Variants in CNBD1 observed in about 807,000 individuals in gnomAD.
CNBD1 encodes the protein cyclic nucleotide-binding domain-containing protein 1.
In CNBD1, 71 loss-of-function variants were observed where a neutral mutation model predicts 54.4. The observed-to-expected ratio is 1.30, with a 90% confidence interval of 1.08 to 1.59. The LOEUF (loss-of-function observed/expected upper bound fraction) is 1.59, where lower values mean the gene tolerates loss of function less well. CNBD1 is among the 40% of genes most tolerant of loss of function. The pLI is 0.00. For synonymous variants in CNBD1, 182 were observed against 170.7 expected (o/e 1.07, Z -0.51); for missense variants, 659 against 518.0 (o/e 1.27, Z -2.64).
At chr8:87,423,297 A>T (rs1297475154) in intron 2 of CNBD1, among the ~76,000 whole-genome samples, 9 of 148,970 alleles carry the variant, frequency 6.0e-5, no homozygotes, top group African/African-American at 2.0e-4. Flanking sequence ...CCCTGGCCAG[A>T]ACTTCCAACA....
chr8:87,174,006 T>C (rs1475933938), intron 4 of CNBD1, among the ~76,000 whole-genome samples: 1 of 152,034 alleles, frequency 6.6e-6, no homozygotes, highest in Non-Finnish European at 1.5e-5. Flanking sequence ...GTCACCAGGC[T>C]GGAGTGCAGT....
At chr8:86,953,269 T>A (rs1312123046) in intron 4 of CNBD1, among the ~76,000 whole-genome samples, 1 of 152,196 alleles carries the variant, frequency 6.6e-6, no homozygotes, top group African/African-American at 2.4e-5. Flanking sequence ...TAGGAAAAAC[T>A]TAATCATATG....
At chr8:86,872,923 G>T (rs372788777) in intron 1 of CNBD1, among the ~76,000 whole-genome samples, 2 of 152,056 alleles carry the variant, frequency 1.3e-5, no homozygotes, top group Non-Finnish European at 2.9e-5. Context: ...GTAGAGTGAT[G>T]TAATCTCATT....
At chr8:87,259,015 C>A (rs745565022) in intron 6 of CNBD1, among the ~76,000 whole-genome samples, 1 of 152,292 alleles carries the variant, frequency 6.6e-6, no homozygotes, top group South Asian at 2.1e-4. Flanking sequence ...TTCTAATAAT[C>A]TCTTACCAAA....
chr8:87,204,013 C>T (rs1193842699), intron 4 of CNBD1, among the ~76,000 whole-genome samples: 1 of 152,124 alleles, frequency 6.6e-6, no homozygotes, highest in Non-Finnish European at 1.5e-5. Flanking sequence ...ACACCTGGCT[C>T]CACTACCTGG....
chr8:87,177,729 TATGAG>T (rs763267972), intron 4 of CNBD1, among the ~76,000 whole-genome samples: 133 of 152,264 alleles, frequency 8.7e-4, no homozygotes, highest in Middle Eastern at 6.8e-3. Context: ...AACTAGTACT[TATGAG>T]ATAGATGCAA....
At chr8:87,187,199 CATATCT>C (rs1171329473) in intron 4 of CNBD1, among the ~76,000 whole-genome samples, 5 of 123,038 alleles carry the variant, frequency 4.1e-5, no homozygotes, top group Non-Finnish European at 5.9e-5. Flanking sequence ...TATATCTGCA[CATATCT>C]ATCTATATGC....
intron 6 of CNBD1, among the ~76,000 whole-genome samples, chr8:87,257,031 C>T (rs1808037945): frequency 6.6e-6 from 1 of 152,002 alleles, no homozygotes; most frequent in Non-Finnish European, 1.5e-5. Context: ...AACATCAACA[C>T]TCTTGCATGG....
At chr8:86,999,381 C>T (rs73689986) in intron 4 of CNBD1, among the ~76,000 whole-genome samples, 1 of 152,238 alleles carries the variant, frequency 6.6e-6, no homozygotes, top group African/African-American at 2.4e-5. Flanking sequence ...CTACTGGGAA[C>T]CTCCATGCAC....
At chr8:87,138,118 A>C (rs1038719678) in intron 4 of CNBD1, among the ~76,000 whole-genome samples, 1 of 152,190 alleles carries the variant, frequency 6.6e-6, no homozygotes, top group African/African-American at 2.4e-5. Flanking sequence ...GGAAAGGCAC[A>C]AAAGTCCTGT....
intron 4 of CNBD1, among the ~76,000 whole-genome samples, chr8:86,941,846 C>T (rs1168573929): frequency 6.6e-6 from 1 of 152,186 alleles, no homozygotes; most frequent in Non-Finnish European, 1.5e-5. Context: ...TTTCCAAACA[C>T]CCAGGACAAT....
chr8:87,032,637 T>C (rs1809819702), intron 4 of CNBD1, among the ~76,000 whole-genome samples: 1 of 152,152 alleles, frequency 6.6e-6, no homozygotes, highest in Non-Finnish European at 1.5e-5. Context: ...ACTCTGTAAC[T>C]TCACAGAAAT....
chr8:87,288,127 C>G (rs10095881), intron 8 of CNBD1, among the ~76,000 whole-genome samples: 100,826 of 151,796 alleles, frequency 0.66, 33,929 homozygotes, highest in Middle Eastern at 0.72. Flanking sequence ...ACCTCCAGGT[C>G]CCAGTGATTC....
chr8:87,353,174 A>C (rs1810342334), intron 9 of CNBD1, among the ~76,000 whole-genome samples: 1 of 152,178 alleles, frequency 6.6e-6, no homozygotes, highest in African/African-American at 2.4e-5. Flanking sequence ...AAAGACAGGG[A>C]ATAATCCCTC....
At chr8:87,372,669 A>T (rs1248489989) in intron 10 of CNBD1, among the ~76,000 whole-genome samples, 2 of 151,896 alleles carry the variant, frequency 1.3e-5, no homozygotes, top group Non-Finnish European at 2.9e-5. Flanking sequence ...TCCACAAATA[A>T]GTGGCCTCTT....
At chr8:87,025,700 C>T (rs756667171) in intron 4 of CNBD1, among the ~76,000 whole-genome samples, 2 of 152,164 alleles carry the variant, frequency 1.3e-5, no homozygotes, top group African/African-American at 2.4e-5. Flanking sequence ...GGACAGGCAA[C>T]CTTTAAGAGC....
At chr8:87,076,324 G>A (rs1810872033) in intron 4 of CNBD1, among the ~76,000 whole-genome samples, 1 of 152,168 alleles carries the variant, frequency 6.6e-6, no homozygotes, top group African/African-American at 2.4e-5. Context: ...ATATAATGTA[G>A]TCCTAGCATA....
chr8:87,078,242 A>G (rs775570049), intron 4 of CNBD1, among the ~76,000 whole-genome samples: 1 of 152,232 alleles, frequency 6.6e-6, no homozygotes, highest in Non-Finnish European at 1.5e-5. Flanking sequence ...GCTGTCCACT[A>G]TTTTTAGATG....
At chr8:87,024,538 C>T (rs1354548100) in intron 4 of CNBD1, among the ~76,000 whole-genome samples, 2 of 151,796 alleles carry the variant, frequency 1.3e-5, no homozygotes, top group Non-Finnish European at 2.9e-5. Flanking sequence ...GACTGGGTTT[C>T]ACCATATTGG....
Sources: allele counts gnomAD v4.1 joint callset (sites outside exome capture counted in the v4.1 genomes callset), GRCh38; gene constraint gnomAD v4.1.1; transcripts MANE v1.5; gene names NCBI Gene and HGNC (gene_info 2026-07-23, HGNC 2026-07-21).